The following CFAP61 variants were observed in gnomAD, a reference collection of about 807,000 sequenced individuals.
CFAP61 encodes the protein cilia and flagella associated protein 61, also known as cilia- and flagella-associated protein 61.
CFAP61 carries 107 observed loss-of-function variants against 135.6 expected under a neutral mutation model. The ratio of observed to expected loss-of-function variants is 0.79; its 90% CI spans 0.67 to 0.93. CFAP61 has a LOEUF of 0.93. Ranked by LOEUF, CFAP61 falls within the 40% of genes least tolerant of loss-of-function variation. CFAP61 has a pLI of 0.00. For synonymous variants in CFAP61, 575 were observed against 578.5 expected, an observed-to-expected ratio of 0.99 and a Z score of 0.09; for missense variants, 1,507 against 1,556.2, an observed-to-expected ratio of 0.97 and a Z score of 0.53.
At chr20:20,264,736 A>T (rs754149763) in intron 21 of CFAP61, among the ~76,000 whole-genome samples, 9 of 152,134 alleles carry the variant, frequency 5.9e-5, no homozygotes, top group Non-Finnish European at 8.8e-5. Context: ...TACAAAAAAT[A>T]CAAAAATTAG....
intron 9 of CFAP61, among the ~76,000 whole-genome samples, chr20:20,156,421 A>G (rs995048842): frequency 1.3e-5 from 2 of 152,316 alleles, no homozygotes; most frequent in African/African-American, 2.4e-5. Flanking sequence ...ACTTACAGCA[A>G]ACGTCACACA....
chr20:20,067,390 G>A (rs145695356), intron 2 of CFAP61, among the ~76,000 whole-genome samples: 125 of 152,174 alleles, frequency 8.2e-4, no homozygotes, highest in African/African-American at 2.9e-3. Flanking sequence ...AGACCACAGA[G>A]CGAGACTCCG....
Position 20,169,360 on chromosome 20 carries a change from C to G in CFAP61, c.1285C>G (p.Pro429Ala). 1 of 1,613,716 alleles carries G rather than the reference C, an allele frequency of 6.2e-7. No homozygotes were observed. Among genetic ancestry groups the G allele is most frequent in the Non-Finnish European group, 8.5e-7 (1 of 1,179,886 alleles). ...FCVISLPHLTPEFFLIQNFVK... is the reference protein window; with the variant it reads ...FCVISLPHLTAEFFLIQNFVK... Reference sequence around the variant, plus strand: ...TGTAATTTCTCTGCCCCATCTCACCCCCGAGTTCTTCCTCATCCAGAACTT... The same window carrying G: ...TGTAATTTCTCTGCCCCATCTCACCGCCGAGTTCTTCCTCATCCAGAACTT... Residue 429 changes from proline to alanine, a missense_variant, in exon 13 of 27, where the codon CCC (proline) becomes GCC (alanine). Physicochemically the swap from Pro to Ala is conservative, Grantham distance 27. Transcript: ENST00000245957.
chr20:20,141,103 T>G (rs2146747549), intron 8 of CFAP61, among the ~76,000 whole-genome samples: 1 of 152,222 alleles, frequency 6.6e-6, no homozygotes, highest in South Asian at 2.1e-4. Flanking sequence ...GTATTTTAAG[T>G]AGAGACGAAG....
chr20:20,164,048 A>G lies in CFAP61; in HGVS notation c.1027-2A>G. The G allele has an allele frequency of 6.2e-7, 1 of 1,605,118 alleles. No homozygotes were observed. Among genetic ancestry groups the G allele is most frequent in the Admixed American group, 1.7e-5 (1 of 59,330 alleles). On this transcript the variant is annotated splice_acceptor_variant, in intron 10 of 26. Coordinates refer to ENST00000245957, the MANE Select transcript of CFAP61 (RefSeq NM_015585.4). LOFTEE classifies it high-confidence loss of function. ...TTGGCTCCTCCTGTCTCCTTGCTCT[A>G]GGACATAGAAAAACTCAGTGACATC...
chr20:20,333,355 G>C (rs140484896), intron 25 of CFAP61, among the ~76,000 whole-genome samples: 2 of 152,304 alleles, frequency 1.3e-5, no homozygotes, highest in East Asian at 1.9e-4. Context: ...CTGAGACTAA[G>C]AGAGACTAAC....
At chr20:20,254,670 C>T (rs2051374104) in intron 20 of CFAP61, among the ~76,000 whole-genome samples, 1 of 152,204 alleles carries the variant, frequency 6.6e-6, no homozygotes, top group South Asian at 2.1e-4. Flanking sequence ...TTGTCTTCAA[C>T]TCTCTCCTGG....
intron 17 of CFAP61, among the ~76,000 whole-genome samples, chr20:20,224,814 A>G (rs1489624776): frequency 6.6e-6 from 1 of 152,242 alleles, no homozygotes; most frequent in Non-Finnish European, 1.5e-5. Flanking sequence ...TATTCTTGGT[A>G]TGGTAGGTAG....
chr20:20,153,767 A>G (rs2052647160), intron 9 of CFAP61, among the ~76,000 whole-genome samples: 1 of 152,180 alleles, frequency 6.6e-6, no homozygotes, highest in Non-Finnish European at 1.5e-5. Flanking sequence ...TCACAGCTGA[A>G]TTCTATCAGG....
At chr20:20,332,216 G>A (rs1425382725) in intron 25 of CFAP61, among the ~76,000 whole-genome samples, 2 of 152,222 alleles carry the variant, frequency 1.3e-5, no homozygotes, top group African/African-American at 4.8e-5. Context: ...TCCCACCATG[G>A]CAAAGTGTGT....
chr20:20,338,474 G>C (rs1267147928), intron 25 of CFAP61, among the ~76,000 whole-genome samples: 2 of 151,926 alleles, frequency 1.3e-5, no homozygotes, highest in African/African-American at 4.8e-5. Flanking sequence ...CTTGGAAAAA[G>C]TGATATGTTT....
chr20:20,193,352 A>G (rs946244812), intron 15 of CFAP61, among the ~76,000 whole-genome samples: 1 of 152,048 alleles, frequency 6.6e-6, no homozygotes, highest in Non-Finnish European at 1.5e-5. Context: ...TTTTATTATG[A>G]ATGAGTGTTG....
intron 21 of CFAP61, among the ~76,000 whole-genome samples, chr20:20,273,699 T>C (rs140698494): frequency 4.5e-4 from 69 of 152,280 alleles, no homozygotes; most frequent in Non-Finnish European, 7.6e-4. Flanking sequence ...ACATGATGGG[T>C]AGGGCAAACA....
chr20:20,342,640 C>T (rs984642517), intron 26 of CFAP61, among the ~76,000 whole-genome samples: 1 of 152,186 alleles, frequency 6.6e-6, no homozygotes, highest in Admixed American at 6.5e-5. Context: ...TTACCGTCTA[C>T]ATAGGCAACT....
chr20:20,277,313 G>GCGC lies in CFAP61; in HGVS notation c.2654_2656dup (p.Ala885dup). The GCGC allele has an allele frequency of 6.2e-7, 1 of 1,614,138 alleles. No individual in the cohort carries two copies. The highest frequency in any genetic ancestry group is 8.5e-7 in the Non-Finnish European group (1 of 1,180,034). ...TGCATCAACAACTACTCGGTGGAGAGCGCCGTGGCGGACGCGCTAGGAGCC... is the reference window on the plus strand; with the variant it reads ...TGCATCAACAACTACTCGGTGGAGAGCGCCGCCGTGGCGGACGCGCTAGGAGCC... On this transcript the variant is annotated inframe_insertion, in exon 22 of 27. Coordinates refer to ENST00000245957, the MANE Select transcript of CFAP61 (RefSeq NM_015585.4).
chr20:20,166,345 G>A, intron 11 of CFAP61, 52 bp from the exon 12 acceptor site: 1 of 1,481,922 alleles, frequency 6.7e-7, no homozygotes, highest in Non-Finnish European at 9.4e-7. Flanking sequence ...AACGTCCACT[G>A]ATGTTGCATT....
At chr20:20,089,030 G>T (rs1468601456) in intron 6 of CFAP61, among the ~76,000 whole-genome samples, 1 of 152,122 alleles carries the variant, frequency 6.6e-6, no homozygotes, top group Non-Finnish European at 1.5e-5. Flanking sequence ...TTCCTGCAGG[G>T]CGCAGGAGGA....
At chr20:20,200,595 T>G (rs112130538) in intron 17 of CFAP61, 1 of 526,746 alleles carries the variant, frequency 1.9e-6, no homozygotes. Context: ...TTGACTGATA[T>G]GGGCTTGTAG....
At chr20:20,307,255 G>A (rs1162180926) in intron 25 of CFAP61, among the ~76,000 whole-genome samples, 2 of 152,130 alleles carry the variant, frequency 1.3e-5, no homozygotes, top group Admixed American at 6.6e-5. Context: ...AAATTCCTGC[G>A]TTCTTGCTTA....
Sources: allele counts gnomAD v4.1 joint callset (sites outside exome capture counted in the v4.1 genomes callset), GRCh38; gene constraint gnomAD v4.1.1; transcripts MANE v1.5; gene names NCBI Gene and HGNC (gene_info 2026-07-23, HGNC 2026-07-21).